ABCA1: variants seen among roughly 807,000 people sequenced by gnomAD.
The protein encoded by ABCA1 is phospholipid-transporting ATPase ABCA1.
Under a neutral mutation model 262.5 loss-of-function variants are expected in ABCA1, and 133 were observed. The observed-to-expected ratio is 0.51, with a 90% CI of 0.44 to 0.59. The LOEUF (loss-of-function observed/expected upper bound fraction) is 0.59, where lower values mean the gene tolerates loss of function less well. Among genes scored for constraint, ABCA1 ranks in the 20% least tolerant of loss-of-function variants. The pLI is 0.00. For synonymous variants in ABCA1, 1,022 were observed against 1,043.5 expected, an observed-to-expected ratio of 0.98 and a Z score of 0.40; for missense variants, 2,452 against 2,777.5, an observed-to-expected ratio of 0.88 and a Z score of 2.63.
chr9:104,832,860 T>G (rs866734894), intron 11 of ABCA1, 89 bp from the exon 12 acceptor site: 5 of 1,239,232 alleles, frequency 4.0e-6, no homozygotes, highest in Non-Finnish European at 5.9e-6. Flanking sequence ...GCATATACAC[T>G]GTCGTTGTTT....
At chr9:104,876,288 G>C (rs1838159795) in intron 5 of ABCA1, among the ~76,000 whole-genome samples, 1 of 152,184 alleles carries the variant, frequency 6.6e-6, no homozygotes, top group African/African-American at 2.4e-5. Context: ...CGCTAAGTGT[G>C]GAAACGGGGA....
At position 104,783,592 on chromosome 9, in the gene ABCA1, T is replaced by C. The variant is rs954224850; in HGVS notation, c.*723A>G. Reference sequence around the variant, plus strand: ...ACCCATGGCTCGAAGCATAGGACAATATAACAATGGAACCAAGTTTCCCGT... The same window carrying C: ...ACCCATGGCTCGAAGCATAGGACAACATAACAATGGAACCAAGTTTCCCGT... On this transcript the variant is annotated 3_prime_UTR_variant, in exon 50 of 50. Transcript: ENST00000374736. 1 of 152,456 alleles carries C rather than the reference T, an allele frequency of 6.6e-6. No homozygotes were observed. The highest frequency in any genetic ancestry group is 2.4e-5 in the African/African-American group (1 of 41,420). The allele number at this position is 152,456 out of a possible 1,614,324, so 9.4% of individuals were successfully genotyped here.
At chr9:104,787,466 G>A (rs561665940) in intron 46 of ABCA1, among the ~76,000 whole-genome samples, 3 of 151,950 alleles carry the variant, frequency 2.0e-5, no homozygotes, top group African/African-American at 4.8e-5. Context: ...GCTTCTTCCC[G>A]TAATAACATC....
chr9:104,857,200 G>A (rs1278994915), intron 7 of ABCA1, among the ~76,000 whole-genome samples: 2 of 152,116 alleles, frequency 1.3e-5, no homozygotes, highest in Non-Finnish European at 2.9e-5. Context: ...GGTACTCGGA[G>A]GCTGAGGCAT....
Position 104,819,603 on chromosome 9 carries a change from A to G in ABCA1, c.3224T>C (p.Leu1075Pro). The change falls in exon 22 of 50, where the codon CTG becomes CCG. Residue 1075 changes from leucine (L) to proline (P), a missense_variant. Around this residue, in one of 4 missense-constraint regions of ABCA1, gnomAD observed 665 missense variants for 727.3 expected, o/e 0.91. Coordinates refer to ENST00000374736, the MANE Select transcript of ABCA1 (RefSeq NM_005502.4). ...PYSRRGIWELLLKYRQGRTII... is the reference protein window; with the variant it reads ...PYSRRGIWELPLKYRQGRTII... ...TCAGGCACCTTGTCGGTATTTCAGC[A>G]GCAGCTCCCATATTCCCCTGCGGGA... 1 of 1,614,214 alleles carries G rather than the reference A, an allele frequency of 6.2e-7. No homozygotes were observed.
intron 9 of ABCA1, 144 bp from the exon 10 acceptor site, chr9:104,837,711 C>T (rs1833949031): frequency 1.1e-6 from 1 of 946,292 alleles, no homozygotes; most frequent in Non-Finnish European, 1.6e-6. Flanking sequence ...ATCTGAGCCT[C>T]AGTTGGCTCC....
chr9:104,877,348 C>T (rs1838246653), intron 5 of ABCA1, among the ~76,000 whole-genome samples: 1 of 152,214 alleles, frequency 6.6e-6, no homozygotes, highest in African/African-American at 2.4e-5. Context: ...AATGGCTCAC[C>T]ATGCACCCAC....
chr9:104,834,227 C>G (rs939663770), intron 11 of ABCA1, among the ~76,000 whole-genome samples: 1 of 149,678 alleles, frequency 6.7e-6, no homozygotes, highest in African/African-American at 2.4e-5. Context: ...AACAATATAG[C>G]AATAACATTT....
intron 8 of ABCA1, among the ~76,000 whole-genome samples, chr9:104,841,961 T>C (rs1250009284): frequency 6.6e-6 from 1 of 152,246 alleles, no homozygotes; most frequent in African/African-American, 2.4e-5. Context: ...TCACTGCGTG[T>C]TCACACCGCC....
chr9:104,851,003 C>G (rs116919686), intron 7 of ABCA1, among the ~76,000 whole-genome samples: 110 of 152,282 alleles, frequency 7.2e-4, no homozygotes, highest in Non-Finnish European at 1.3e-3. Flanking sequence ...AATGTCATTA[C>G]AGGAAGAATG....
intron 15 of ABCA1, among the ~76,000 whole-genome samples, chr9:104,827,899 A>C (rs1035116422): frequency 1.1e-4 from 16 of 152,232 alleles, no homozygotes; most frequent in Admixed American, 6.5e-5. Context: ...ATAGAAGAAG[A>C]AGCCCATGTG....
intron 1 of ABCA1, among the ~76,000 whole-genome samples, chr9:104,907,777 C>A (rs1238354177): frequency 6.6e-6 from 1 of 152,230 alleles, no homozygotes; most frequent in Admixed American, 6.5e-5. Flanking sequence ...CCTCCCAAGG[C>A]CAGCAGGGCC....
At chr9:104,898,045 T>C (rs1394675349) in intron 2 of ABCA1, among the ~76,000 whole-genome samples, 1 of 152,158 alleles carries the variant, frequency 6.6e-6, no homozygotes, top group African/African-American at 2.4e-5. Flanking sequence ...ACATCAGAAA[T>C]CATTATTCTA....
At chr9:104,827,243 A>G in intron 15 of ABCA1, 74 bp from the exon 16 acceptor site, 1 of 1,300,036 alleles carries the variant, frequency 7.7e-7, no homozygotes, top group Non-Finnish European at 1.1e-6. Context: ...CTACAGAAAA[A>G]AGACAGGGTT....
At position 104,870,659 on chromosome 9, in the gene ABCA1, T is replaced by C. The variant is rs1006891336; in HGVS notation, c.422-8859A>G. Among the ~76,000 whole-genome samples the C allele has an allele frequency of 1.2e-4, 18 of 151,334 alleles. 2 individuals are homozygous for C. The highest frequency in any genetic ancestry group is 1.1e-3 in the Admixed American group (17 of 15,222). On this transcript the variant is annotated intron_variant, in intron 5 of 49. Coordinates refer to ENST00000374736, the MANE Select transcript of ABCA1 (RefSeq NM_005502.4). The stretch of plus-strand genomic sequence containing the variant: ...GCATTAGGGCCCCTCACAGATACCA[T>C]GAGTTTCATGTGCGTCTGTGTGAAG...
intron 20 of ABCA1, 60 bp from the exon 21 acceptor site, chr9:104,820,129 C>T: frequency 6.2e-7 from 1 of 1,606,220 alleles, no homozygotes; most frequent in South Asian, 1.1e-5. Flanking sequence ...ATACAGTGTC[C>T]CCTGGCCCAG....
Position 104,828,743 on chromosome 9 carries a change from C to T in ABCA1, c.2115+173G>A, listed in dbSNP as rs13306069. On this transcript the variant is annotated intron_variant, in intron 15 of 49. Transcript: ENST00000374736. ...TGGGTTGACCTTGGGCAAGTCACTG[C>T]CCCTCTCTGGGCCTCACTTTCCCCA... is the stretch of plus-strand genomic sequence containing the variant. Among the ~76,000 whole-genome samples, 10,180 of 152,246 alleles carry T rather than the reference C, an allele frequency of 0.067. 669 individuals carry two copies. The highest frequency in any genetic ancestry group is 0.41 in the East Asian group (2,106 of 5,162).
chr9:104,818,721 A>G lies in ABCA1; in HGVS notation c.3404T>C (p.Val1135Ala), dbSNP rs772871229. ...GYYLTLVKKDVESSLSSCRNS... is the reference protein window; with the variant it reads ...GYYLTLVKKDAESSLSSCRNS... ...TCTGCAGGAACTGAGGGAGGATTCC[A>G]CATCTTTCTTGACCAAGGTCAGGTA... Residue 1135 changes from valine (V) to alanine (A), a missense_variant, in exon 23 of 50, where the codon GTG becomes GCG. By Grantham distance (64) the Val-to-Ala change is moderately conservative. This residue lies in a region of ABCA1 where 665 missense variants were observed against 727.3 expected (regional missense o/e 0.91). Coordinates refer to ENST00000374736, the MANE Select transcript of ABCA1 (RefSeq NM_005502.4). 3 of 1,613,740 alleles carry G rather than the reference A, an allele frequency of 1.9e-6. No homozygotes were observed. In the East Asian group the frequency reaches 6.7e-5, roughly 36 times the overall value.
At chr9:104,828,799 C>G in intron 15 of ABCA1, 117 bp downstream of exon 15, 1 of 1,060,252 alleles carries the variant, frequency 9.4e-7, no homozygotes, top group Non-Finnish European at 1.4e-6. Context: ...CAGGAAATGA[C>G]AGGTATGACC....
Sources: allele counts gnomAD v4.1 joint callset (sites outside exome capture counted in the v4.1 genomes callset), GRCh38; gene constraint gnomAD v4.1.1; regional missense constraint gnomAD v4.1.1; transcripts MANE v1.5; gene names NCBI Gene and HGNC (gene_info 2026-07-23, HGNC 2026-07-21).